TESK2: variants seen among roughly 807,000 people sequenced by gnomAD.
The protein encoded by TESK2 is testis associated actin remodelling kinase 2.
Under a neutral mutation model 57.1 loss-of-function variants are expected in TESK2, and 39 were observed. The ratio of observed to expected loss-of-function variants is 0.68; its 90% confidence interval spans 0.53 to 0.89. The LOEUF is 0.89. Among genes scored for constraint, TESK2 ranks in the 40% least tolerant of loss-of-function variants. The probability of loss-of-function intolerance (pLI) is 0.00; values close to 1 mark genes in which losing one functional copy is unlikely to be tolerated. For synonymous variants in TESK2, 249 were observed against 267.9 expected (o/e 0.93, Z 0.69); for missense variants, 646 against 732.1 (o/e 0.88, Z 1.36).
intron 2 of TESK2, among the ~76,000 whole-genome samples, 159 bp downstream of exon 2, chr1:45,457,400 TTAATA>T (rs1308628154): frequency 6.6e-6 from 1 of 152,122 alleles, no homozygotes; most frequent in African/African-American, 2.4e-5. Context: ...ACAAAATATC[TTAATA>T]TAAGTTAATA....
intron 2 of TESK2, among the ~76,000 whole-genome samples, chr1:45,439,330 T>C (rs1570732102): frequency 6.6e-6 from 1 of 152,190 alleles, no homozygotes; most frequent in African/African-American, 2.4e-5. Flanking sequence ...TTCTACATCT[T>C]TGAAGCTCAG....
At chr1:45,399,252 G>A (rs555333305) in intron 3 of TESK2, among the ~76,000 whole-genome samples, 3 of 148,194 alleles carry the variant, frequency 2.0e-5, no homozygotes, top group South Asian at 2.1e-4. Context: ...GGGCTCAAGC[G>A]ATCCTCCCAC....
At chr1:45,395,859 T>C (rs1055599078) in intron 3 of TESK2, among the ~76,000 whole-genome samples, 10 of 152,212 alleles carry the variant, frequency 6.6e-5, no homozygotes, top group Non-Finnish European at 1.3e-4. Flanking sequence ...CACAAGCTTC[T>C]TAACAGCAAG....
intron 1 of TESK2, among the ~76,000 whole-genome samples, chr1:45,469,575 G>A (rs552105021): frequency 6.6e-6 from 1 of 152,256 alleles, no homozygotes; most frequent in Admixed American, 6.5e-5. Context: ...TCAAATTTCT[G>A]TGAAAAATGA....
At chr1:45,442,815 T>C (rs1651495591) in intron 2 of TESK2, among the ~76,000 whole-genome samples, 1 of 152,146 alleles carries the variant, frequency 6.6e-6, no homozygotes, top group African/African-American at 2.4e-5. Context: ...TGAGACAGTC[T>C]CTCTCTATCA....
At chr1:45,348,205 T>G (rs1453952942) in intron 5 of TESK2, among the ~76,000 whole-genome samples, 1 of 152,134 alleles carries the variant, frequency 6.6e-6, no homozygotes, top group Non-Finnish European at 1.5e-5. Flanking sequence ...TGGGTGGCTG[T>G]CCTAGGATAC....
chr1:45,367,922 G>T (rs1236958336), intron 4 of TESK2, among the ~76,000 whole-genome samples: 1 of 151,162 alleles, frequency 6.6e-6, no homozygotes, highest in Non-Finnish European at 1.5e-5. Context: ...GCCTCTCAAA[G>T]TGCTGGGATT....
chr1:45,457,326 G>A (rs1345420121), intron 2 of TESK2, among the ~76,000 whole-genome samples: 1 of 152,146 alleles, frequency 6.6e-6, no homozygotes. Flanking sequence ...GGGGGTAGAG[G>A]TGAGGTGGAA....
chr1:45,430,324 C>CA (rs561187867), intron 2 of TESK2, among the ~76,000 whole-genome samples: 26 of 150,608 alleles, frequency 1.7e-4, no homozygotes, highest in African/African-American at 2.4e-4. Context: ...CACATCTCTA[C>CA]AAAAAAAAAT....
chr1:45,423,374 G>A (rs1053724552), intron 2 of TESK2, among the ~76,000 whole-genome samples: 2 of 152,098 alleles, frequency 1.3e-5, no homozygotes, highest in African/African-American at 4.8e-5. Flanking sequence ...TGGCTAACAT[G>A]GTGAAATCCC....
At chr1:45,447,810 G>A (rs1458330862) in intron 2 of TESK2, among the ~76,000 whole-genome samples, 1 of 151,986 alleles carries the variant, frequency 6.6e-6, no homozygotes, top group Non-Finnish European at 1.5e-5. Flanking sequence ...GGTACACAAT[G>A]TCACTAGGCC....
chr1:45,415,342 TA>T, intron 3 of TESK2: 1 of 1,073,576 alleles, frequency 9.3e-7, no homozygotes, highest in Non-Finnish European at 1.4e-6. Context: ...TGGACAACTC[TA>T]ATAAATTTGA....
chr1:45,451,798 C>T (rs1651881776), intron 2 of TESK2, among the ~76,000 whole-genome samples: 1 of 151,934 alleles, frequency 6.6e-6, no homozygotes, highest in Non-Finnish European at 1.5e-5. Flanking sequence ...CTTTGGGAGG[C>T]CGAGGCAGGC....
At chr1:45,391,619 T>C (rs895868314) in intron 3 of TESK2, among the ~76,000 whole-genome samples, 2 of 152,218 alleles carry the variant, frequency 1.3e-5, no homozygotes, top group African/African-American at 4.8e-5. Context: ...TTTTTATGAC[T>C]TGGAAACTTG....
chr1:45,355,535 G>A (rs1000789703), intron 4 of TESK2, 86 bp from the exon 5 acceptor site: 11 of 1,461,782 alleles, frequency 7.5e-6, no homozygotes, highest in Non-Finnish European at 1.0e-5. Flanking sequence ...ACACCTGGAA[G>A]AGAGAGACTG....
At chr1:45,349,517 C>T (rs1007164795) in intron 5 of TESK2, among the ~76,000 whole-genome samples, 1 of 152,208 alleles carries the variant, frequency 6.6e-6, no homozygotes, top group South Asian at 2.1e-4. Flanking sequence ...TCACCTATGT[C>T]TCTTCCCTCC....
At chr1:45,364,761 T>C (rs1280669257) in intron 4 of TESK2, among the ~76,000 whole-genome samples, 1 of 152,146 alleles carries the variant, frequency 6.6e-6, no homozygotes, top group Non-Finnish European at 1.5e-5. Context: ...TAAAGCTTTT[T>C]AGCAACTGAG....
At chr1:45,399,843 C>T (rs72892536) in intron 3 of TESK2, among the ~76,000 whole-genome samples, 7,572 of 152,056 alleles carry the variant, frequency 0.05, 665 homozygotes, top group African/African-American at 0.17. Flanking sequence ...CCGCATTATC[C>T]GTTGGAGTAT....
At chr1:45,383,439 A>C (rs1423861457) in intron 4 of TESK2, among the ~76,000 whole-genome samples, 2 of 152,166 alleles carry the variant, frequency 1.3e-5, no homozygotes, top group Admixed American at 6.5e-5. Context: ...TCAAAATCTC[A>C]TTAATGCTGC....
Sources: gnomAD v4.1 joint callset for allele counts (sites outside exome capture counted in the v4.1 genomes callset) on GRCh38, gnomAD v4.1.1 for gene constraint, MANE v1.5 for transcripts, NCBI Gene and HGNC (gene_info 2026-07-23, HGNC 2026-07-21) for gene names.